TRPM6: variants seen among roughly 807,000 people sequenced by gnomAD.
The protein encoded by TRPM6 is channel kinase 2.
Under a neutral mutation model 247.6 loss-of-function variants are expected in TRPM6, and 111 were observed. That is an observed-to-expected ratio of 0.45 (90% CI 0.38 to 0.52). The LOEUF is 0.52. TRPM6 is among the 20% of genes least tolerant of loss of function. The probability of loss-of-function intolerance (pLI) is 0.00; values close to 1 mark genes in which losing one functional copy is unlikely to be tolerated. For synonymous variants in TRPM6, 892 were observed against 853.8 expected (o/e 1.04, Z -0.78); for missense variants, 2,126 against 2,421.5 (o/e 0.88, Z 2.56).
chr9:74,853,575 C>T (rs1830431875), intron 3 of TRPM6, among the ~76,000 whole-genome samples: 1 of 152,182 alleles, frequency 6.6e-6, no homozygotes, highest in African/African-American at 2.4e-5. Context: ...CCTGTGCTCT[C>T]TGAAACATGT....
chr9:74,793,092 G>T (rs990759780), intron 18 of TRPM6, among the ~76,000 whole-genome samples: 2 of 152,092 alleles, frequency 1.3e-5, no homozygotes, highest in Non-Finnish European at 2.9e-5. Flanking sequence ...GGAGGCAGAG[G>T]TTACAGTGAG....
intron 24 of TRPM6, among the ~76,000 whole-genome samples, chr9:74,774,211 A>C (rs1057329074): frequency 6.6e-6 from 1 of 152,196 alleles, no homozygotes; most frequent in South Asian, 2.1e-4. Flanking sequence ...TTTTATATGA[A>C]TCATCCTATA....
chr9:74,812,027 G>T (rs1828746632), intron 12 of TRPM6, among the ~76,000 whole-genome samples: 1 of 152,172 alleles, frequency 6.6e-6, no homozygotes, highest in Non-Finnish European at 1.5e-5. Flanking sequence ...CATGATAAAT[G>T]ATTGCATTTG....
chr9:74,794,032 A>G lies in TRPM6; in HGVS notation c.2392-1262T>C, dbSNP rs184441509. 8.0e-3 allele frequency among the ~76,000 whole-genome samples: 1,213 copies of G among 151,802 alleles called. 17 individuals carry two copies. The highest frequency in any genetic ancestry group is 0.012 in the Non-Finnish European group (791 of 68,018). On this transcript the variant is annotated intron_variant, in intron 18 of 38. Coordinates refer to ENST00000360774, the MANE Select transcript of TRPM6 (RefSeq NM_017662.5). ...AAAGAGAAAAAGGAAAAGAAGAGAC[A>G]AGACAAGACAAGAAAAGAAGCATTT...
chr9:74,821,882 G>T, intron 7 of TRPM6, 45 bp from the exon 8 acceptor site: 1 of 1,611,214 alleles, frequency 6.2e-7, no homozygotes, highest in Non-Finnish European at 8.5e-7. Context: ...AGAATCCCTA[G>T]CTCAGCCAGT....
At chr9:74,836,421 A>C (rs1490351699) in intron 5 of TRPM6, among the ~76,000 whole-genome samples, 1 of 151,996 alleles carries the variant, frequency 6.6e-6, no homozygotes, top group Non-Finnish European at 1.5e-5. Context: ...CTTCCCTTCC[A>C]ACTCATTTTC....
chr9:74,788,545 A>G (rs575447096), intron 20 of TRPM6, 69 bp downstream of exon 20: 123 of 1,578,958 alleles, frequency 7.8e-5, no homozygotes, highest in Non-Finnish European at 1.0e-4. Context: ...AGAGCCAAGG[A>G]GTCTTTCAGT....
chr9:74,756,394 A>C (rs1016068904), intron 27 of TRPM6, among the ~76,000 whole-genome samples: 9 of 152,208 alleles, frequency 5.9e-5, no homozygotes, highest in Non-Finnish European at 1.2e-4. Context: ...TAAGATCATG[A>C]AAGGTGAATT....
At chr9:74,790,792 G>A (rs1011236108) in intron 19 of TRPM6, among the ~76,000 whole-genome samples, 3 of 152,124 alleles carry the variant, frequency 2.0e-5, no homozygotes, top group African/African-American at 7.2e-5. Context: ...AAACATATTC[G>A]ATAAGTAGAT....
chr9:74,745,472 T>C (rs1164244041), intron 31 of TRPM6, among the ~76,000 whole-genome samples: 1 of 151,992 alleles, frequency 6.6e-6, no homozygotes, highest in Non-Finnish European at 1.5e-5. Context: ...CGTGTGTGTG[T>C]GTGTGTGTGT....
intron 24 of TRPM6, among the ~76,000 whole-genome samples, chr9:74,775,657 C>G (rs1827191226): frequency 6.6e-6 from 1 of 152,176 alleles, no homozygotes; most frequent in Admixed American, 6.5e-5. Flanking sequence ...AGATTCTCTT[C>G]CTACCTATCC....
In TRPM6 at chr9:74,821,739, C is replaced by T; in HGVS notation, c.940G>A (p.Val314Met). 4 of 1,614,184 alleles carry T rather than the reference C, an allele frequency of 2.5e-6. No homozygotes were observed. Among genetic ancestry groups the T allele is most frequent in the Non-Finnish European group, 3.4e-6 (4 of 1,180,024 alleles). ...GCCCTACCTGTGCCCTCACACACCACCACTGGGTCCTTGTCCTTGACAGTC... is the reference window on the plus strand; with the variant it reads ...GCCCTACCTGTGCCCTCACACACCATCACTGGGTCCTTGTCCTTGACAGTC... ...WETVKDKDPV[V>M]VCEGTGRAAD... The change falls in exon 8 of 39, where the codon GTG becomes ATG. Residue 314 changes from valine (V) to methionine (M), a missense_variant. Coordinates refer to ENST00000360774, the MANE Select transcript of TRPM6 (RefSeq NM_017662.5).
intron 1 of TRPM6, among the ~76,000 whole-genome samples, chr9:74,865,518 C>T (rs150511002): frequency 2.6e-4 from 39 of 152,260 alleles, no homozygotes; most frequent in African/African-American, 9.4e-4. Flanking sequence ...AGAGATTTAA[C>T]CAAATGCTGG....
In TRPM6 at chr9:74,834,036, C is replaced by A. The variant is rs747787019; in HGVS notation, c.631G>T (p.Gly211Cys). ...KIWTVGIPPW[G>C]VIENQRDLIG... ...AGGTCTCTCTGGTTCTCAATGACAC[C>A]CCAAGGAGGGATTCCAACTGTCCAG... The change falls in exon 6 of 39, where the codon GGT (glycine) becomes TGT (cysteine). Residue 211 changes from glycine to cysteine, a missense_variant. Coordinates refer to ENST00000360774, the MANE Select transcript of TRPM6 (RefSeq NM_017662.5). The A allele has an allele frequency of 6.2e-7, 1 of 1,613,892 alleles. No homozygotes were observed. The highest frequency in any genetic ancestry group is 1.3e-5 in the African/African-American group (1 of 74,884).
At chr9:74,834,397 C>A (rs950014630) in intron 5 of TRPM6, among the ~76,000 whole-genome samples, 2 of 152,108 alleles carry the variant, frequency 1.3e-5, no homozygotes, top group African/African-American at 4.8e-5. Context: ...CTACTCTTGC[C>A]TAAGCAAAAT....
At chr9:74,736,878 T>G (rs1487987342) in intron 36 of TRPM6, among the ~76,000 whole-genome samples, 1 of 152,208 alleles carries the variant, frequency 6.6e-6, no homozygotes, top group African/African-American at 2.4e-5. Context: ...ATAAACATCA[T>G]TAAACAAAAA....
intron 37 of TRPM6, among the ~76,000 whole-genome samples, chr9:74,731,974 C>G (rs1279139204): frequency 3.3e-5 from 5 of 152,044 alleles, no homozygotes; most frequent in Admixed American, 6.6e-5. Flanking sequence ...ATTTGAGAAC[C>G]ATTTTTGCCA....
At chr9:74,782,581 A>G in intron 22 of TRPM6, 98 bp downstream of exon 22, 1 of 1,520,110 alleles carries the variant, frequency 6.6e-7, no homozygotes, top group Non-Finnish European at 9.1e-7. Flanking sequence ...CATAAATTCA[A>G]ACATTTTTAA....
At chr9:74,845,573 G>A (rs751214115) in intron 3 of TRPM6, among the ~76,000 whole-genome samples, 9 of 152,160 alleles carry the variant, frequency 5.9e-5, no homozygotes, top group Admixed American at 3.3e-4. Flanking sequence ...GCTCACGCCC[G>A]TAATTCCAGC....
Sources: gnomAD v4.1 joint callset for allele counts (sites outside exome capture counted in the v4.1 genomes callset) on GRCh38, gnomAD v4.1.1 for gene constraint, MANE v1.5 for transcripts, NCBI Gene and HGNC (gene_info 2026-07-23, HGNC 2026-07-21) for gene names.